Variants in GNG12 observed in about 807,000 individuals in gnomAD.
The protein encoded by GNG12 is guanine nucleotide-binding protein G(I)/G(S)/G(O) subunit gamma-12.
For synonymous variants in GNG12, 28 were observed against 29.7 expected (o/e 0.94, Z 0.19); for missense variants, 69 against 83.8 (o/e 0.82, Z 0.69).
chr1:67,802,098 G>A (rs995900871), intron 1 of GNG12, among the ~76,000 whole-genome samples: 1 of 152,128 alleles, frequency 6.6e-6, no homozygotes, highest in Admixed American at 6.6e-5. Context: ...CTTGACCAGA[G>A]AATGAGAAAA....
At chr1:67,794,603 T>G (rs1646819389) in intron 1 of GNG12, among the ~76,000 whole-genome samples, 1 of 152,224 alleles carries the variant, frequency 6.6e-6, no homozygotes, top group Non-Finnish European at 1.5e-5. Context: ...TATGAAGATG[T>G]GGAGAAACAA....
chr1:67,794,128 T>C (rs1478609239), intron 1 of GNG12, among the ~76,000 whole-genome samples: 1 of 152,164 alleles, frequency 6.6e-6, no homozygotes, highest in Non-Finnish European at 1.5e-5. Context: ...GTAAACCATA[T>C]CCACTAAACT....
At position 67,765,311 on chromosome 1, in the gene GNG12, GA is replaced by G. The variant is rs1044351021; in HGVS notation, c.-27+12146del. Among the ~76,000 whole-genome samples the G allele has an allele frequency of 2.0e-5, 3 of 151,386 alleles. 1 individual carries two copies. The highest frequency in any genetic ancestry group is 4.2e-4 in the South Asian group (2 of 4,786). ...TTCAGTGTTTCTAAGAGCAGAGAAA[GA>G]AAAAAAACATTAAAATTATTACTAA... is the stretch of plus-strand genomic sequence containing the variant. On this transcript the variant is annotated intron_variant, in intron 2 of 3. Coordinates refer to ENST00000370982, the MANE Select transcript of GNG12 (RefSeq NM_018841.6).
chr1:67,813,922 T>C (rs1373292705), intron 1 of GNG12, among the ~76,000 whole-genome samples: 3 of 152,056 alleles, frequency 2.0e-5, no homozygotes, highest in Admixed American at 6.6e-5. Flanking sequence ...TGTATATATA[T>C]ATGTATATAG....
intron 1 of GNG12, among the ~76,000 whole-genome samples, chr1:67,784,102 G>A (rs1308230281): frequency 6.7e-6 from 1 of 150,078 alleles, no homozygotes; most frequent in African/African-American, 2.4e-5. Flanking sequence ...TTAAGAAAAT[G>A]TGGCACATAT....
intron 2 of GNG12, among the ~76,000 whole-genome samples, chr1:67,727,880 T>G (rs573374067): frequency 6.6e-6 from 1 of 152,328 alleles, no homozygotes; most frequent in African/African-American, 2.4e-5. Flanking sequence ...TGTGATAAGT[T>G]TTTTTGCAGT....
chr1:67,707,211 G>A (rs149413452), intron 3 of GNG12, among the ~76,000 whole-genome samples: 3 of 152,334 alleles, frequency 2.0e-5, no homozygotes, highest in South Asian at 2.1e-4. Flanking sequence ...CTTACGTGAA[G>A]CTGCCTCAGC....
At chr1:67,734,582 C>G (rs1646441282) in intron 2 of GNG12, among the ~76,000 whole-genome samples, 1 of 152,182 alleles carries the variant, frequency 6.6e-6, no homozygotes. Flanking sequence ...AACCTACGTA[C>G]TCTCTGGCTC....
intron 2 of GNG12, among the ~76,000 whole-genome samples, chr1:67,734,425 A>G (rs1011468631): frequency 6.6e-6 from 1 of 152,200 alleles, no homozygotes; most frequent in Non-Finnish European, 1.5e-5. Flanking sequence ...TATGTGCACA[A>G]CGGTGTTCCA....
At chr1:67,724,476 G>A (rs544909610) in intron 2 of GNG12, among the ~76,000 whole-genome samples, 5 of 152,272 alleles carry the variant, frequency 3.3e-5, no homozygotes, top group East Asian at 3.9e-4. Flanking sequence ...TGCAACCTCC[G>A]CTTCCCAGGT....
chr1:67,813,879 T>A (rs1412114729), intron 1 of GNG12, among the ~76,000 whole-genome samples: 2 of 152,122 alleles, frequency 1.3e-5, no homozygotes, highest in African/African-American at 4.8e-5. Context: ...CTATTCAGTG[T>A]CAGGCATAGT....
Position 67,707,730 on chromosome 1 carries a change from TA to T in GNG12, c.-26-19del, listed in dbSNP as rs745687696. ...CCTGAAATCTGAGGAGAATTTTTTT[TA>T]AAGACAAGTAACAGGCATCTTTAAG... On this transcript the variant is annotated intron_variant, in intron 2 of 3. Transcript: ENST00000370982. 1 of 1,248,996 alleles carries T rather than the reference TA, an allele frequency of 8.0e-7. No individual in the cohort carries two copies. Among genetic ancestry groups the T allele is most frequent in the Non-Finnish European group, 1.1e-6 (1 of 873,776 alleles). 77.4% of individuals were successfully genotyped at this position (1,248,996 alleles called of 1,614,324 possible).
chr1:67,744,155 T>C (rs139639527), intron 2 of GNG12, among the ~76,000 whole-genome samples: 205 of 152,306 alleles, frequency 1.3e-3, no homozygotes, highest in Non-Finnish European at 2.4e-3. Context: ...ACTAACCCTA[T>C]GAGGGGGTAC....
intron 1 of GNG12, among the ~76,000 whole-genome samples, chr1:67,795,034 G>A (rs144701676): frequency 6.6e-6 from 1 of 152,126 alleles, no homozygotes; most frequent in African/African-American, 2.4e-5. Flanking sequence ...AGGGGTACAG[G>A]GTTTCAATGT....
chr1:67,756,597 T>C (rs1646569976), intron 2 of GNG12, among the ~76,000 whole-genome samples: 1 of 152,208 alleles, frequency 6.6e-6, no homozygotes, highest in Non-Finnish European at 1.5e-5. Context: ...GTGATGGTTT[T>C]AACCTGGTGT....
chr1:67,786,058 C>T (rs749202962), intron 1 of GNG12, among the ~76,000 whole-genome samples: 1 of 152,024 alleles, frequency 6.6e-6, no homozygotes, highest in Non-Finnish European at 1.5e-5. Flanking sequence ...TTAATGTTAA[C>T]TAGGGAGAAA....
At chr1:67,780,506 T>C (rs930978844) in intron 1 of GNG12, among the ~76,000 whole-genome samples, 1 of 152,174 alleles carries the variant, frequency 6.6e-6, no homozygotes, top group African/African-American at 2.4e-5. Context: ...CTCATTTTTG[T>C]CTCTCCAGGA....
chr1:67,722,600 A>G (rs1646362308), intron 2 of GNG12, among the ~76,000 whole-genome samples: 1 of 151,218 alleles, frequency 6.6e-6, no homozygotes, highest in Admixed American at 6.6e-5. Context: ...GAAGGGTAGG[A>G]ACTTGACAGG....
chr1:67,708,578 A>C (rs556136320), intron 2 of GNG12, among the ~76,000 whole-genome samples: 2 of 152,274 alleles, frequency 1.3e-5, no homozygotes, highest in South Asian at 2.1e-4. Flanking sequence ...AAAGCAATGG[A>C]AACAGAAACA....
Sources: gnomAD v4.1 joint callset for allele counts (sites outside exome capture counted in the v4.1 genomes callset) on GRCh38, gnomAD v4.1.1 for gene constraint, MANE v1.5 for transcripts, NCBI Gene and HGNC (gene_info 2026-07-23, HGNC 2026-07-21) for gene names.